ENTREP2: variants seen among roughly 807,000 people sequenced by gnomAD.
The protein encoded by ENTREP2 is protein ENTREP2.
chr15:29,386,005 C>T, the ENTREP2 span, among the ~76,000 whole-genome samples: 1 of 151,760 alleles, frequency 6.6e-6, no homozygotes, highest in South Asian at 2.1e-4. Context: ...AGAGTCCAGC[C>T]ACTGGCCGGC....
chr15:29,134,991 G>A, the ENTREP2 span, among the ~76,000 whole-genome samples: 3 of 152,044 alleles, frequency 2.0e-5, no homozygotes, highest in African/African-American at 7.2e-5. Context: ...ATAACCATCC[G>A]GGGCTCCACG....
chr15:29,620,387 G>C, the ENTREP2 span, among the ~76,000 whole-genome samples: 1 of 152,068 alleles, frequency 6.6e-6, no homozygotes, highest in African/African-American at 2.4e-5. Context: ...GGCAGGTCAG[G>C]GACAGTGCAC....
chr15:29,373,341 A>C, the ENTREP2 span, among the ~76,000 whole-genome samples: 1 of 152,114 alleles, frequency 6.6e-6, no homozygotes, highest in African/African-American at 2.4e-5. Context: ...GAACCAAGGG[A>C]ACCTGAGTTT....
the ENTREP2 span, among the ~76,000 whole-genome samples, chr15:29,365,942 A>C: frequency 6.6e-6 from 1 of 152,238 alleles, no homozygotes; most frequent in Non-Finnish European, 1.5e-5. Context: ...TTCACGCTGA[A>C]ACACGTGTCC....
At chr15:29,391,152 C>A in the ENTREP2 span, among the ~76,000 whole-genome samples, 3 of 152,050 alleles carry the variant, frequency 2.0e-5, no homozygotes, top group South Asian at 6.2e-4. Context: ...GCTCACGAGG[C>A]ATGCAGGCCT....
chr15:29,175,477 A>G, the ENTREP2 span, among the ~76,000 whole-genome samples: 3 of 152,360 alleles, frequency 2.0e-5, no homozygotes, highest in Admixed American at 2.0e-4. Context: ...GCTTAAGGAA[A>G]AGAGCCCTAA....
chr15:29,470,738 C>T, the ENTREP2 span, among the ~76,000 whole-genome samples: 77,274 of 152,014 alleles, frequency 0.51, 20,779 homozygotes, highest in African/African-American at 0.71. Flanking sequence ...GCCTTCAAGA[C>T]GTCTGACATG....
chr15:29,476,844 T>C, the ENTREP2 span, among the ~76,000 whole-genome samples: 1 of 152,144 alleles, frequency 6.6e-6, no homozygotes, highest in South Asian at 2.1e-4. Context: ...GCCACCACCC[T>C]GGAAAACCGA....
chr15:29,539,595 G>A, the ENTREP2 span, among the ~76,000 whole-genome samples: 1 of 151,952 alleles, frequency 6.6e-6, no homozygotes, highest in Non-Finnish European at 1.5e-5. Flanking sequence ...CACATGCCCT[G>A]CCCCTATTTC....
At chr15:29,644,297 G>T in the ENTREP2 span, among the ~76,000 whole-genome samples, 1 of 152,136 alleles carries the variant, frequency 6.6e-6, no homozygotes, top group South Asian at 2.1e-4. Context: ...ATGACAAAGG[G>T]GTGCAGAGTT....
At chr15:29,534,659 T>C in the ENTREP2 span, among the ~76,000 whole-genome samples, 3 of 152,188 alleles carry the variant, frequency 2.0e-5, no homozygotes, top group Non-Finnish European at 4.4e-5. Flanking sequence ...GCTAAGCCTC[T>C]GGTACTCTCG....
At chr15:29,215,295 G>C in the ENTREP2 span, among the ~76,000 whole-genome samples, 2 of 152,116 alleles carry the variant, frequency 1.3e-5, no homozygotes, top group African/African-American at 4.8e-5. Flanking sequence ...TGAGTCAGTG[G>C]GCTGGGAAAG....
chr15:29,656,974 T>C, the ENTREP2 span, among the ~76,000 whole-genome samples: 1 of 152,190 alleles, frequency 6.6e-6, no homozygotes, highest in Admixed American at 6.5e-5. Flanking sequence ...ATTATGTGTC[T>C]GCAGTTGCTG....
the ENTREP2 span, among the ~76,000 whole-genome samples, chr15:29,226,371 T>G: frequency 2.6e-5 from 4 of 152,192 alleles, no homozygotes; most frequent in Non-Finnish European, 5.9e-5. Context: ...AATAGCAAAT[T>G]CACATGAAGA....
chr15:29,136,879 T>C, the ENTREP2 span, among the ~76,000 whole-genome samples: 4 of 152,128 alleles, frequency 2.6e-5, no homozygotes, highest in Non-Finnish European at 5.9e-5. Flanking sequence ...GTTGCAAAGG[T>C]GCCACGGGGA....
chr15:29,157,445 T>G, the ENTREP2 span, among the ~76,000 whole-genome samples: 1 of 152,240 alleles, frequency 6.6e-6, no homozygotes, highest in Non-Finnish European at 1.5e-5. Flanking sequence ...CACCTCAGCA[T>G]AGTTTTCCTC....
At chr15:29,415,619 TA>T in the ENTREP2 span, among the ~76,000 whole-genome samples, 1 of 152,132 alleles carries the variant, frequency 6.6e-6, no homozygotes, top group Admixed American at 6.6e-5. Flanking sequence ...TCACCACTCC[TA>T]TTCAACATAG....
the ENTREP2 span, among the ~76,000 whole-genome samples, chr15:29,449,816 C>T: frequency 6.6e-6 from 1 of 152,182 alleles, no homozygotes; most frequent in African/African-American, 2.4e-5. Flanking sequence ...CTTTTAAATA[C>T]ACATTCACAT....
At chr15:29,117,715 A>AAAC in the ENTREP2 span, 1 of 156,986 alleles carries the variant, frequency 6.4e-6, no homozygotes, top group Non-Finnish European at 1.4e-5. Flanking sequence ...CACAACATGA[A>AAAC]AACTCCATAT....
Sources: gnomAD v4.1 joint callset for allele counts (sites outside exome capture counted in the v4.1 genomes callset) on GRCh38, gnomAD v4.1.1 for gene constraint, MANE v1.5 for transcripts, NCBI Gene and HGNC (gene_info 2026-07-23, HGNC 2026-07-21) for gene names.